PCMT1: variants seen among roughly 807,000 people sequenced by gnomAD.
PCMT1 encodes protein-L-isoaspartate(D-aspartate) O-methyltransferase.
In PCMT1, 9 loss-of-function variants were observed where a neutral mutation model predicts 29.2. The observed-to-expected ratio is 0.31, with a 90% CI of 0.19 to 0.54. The LOEUF is 0.54. Among genes scored for constraint, PCMT1 ranks in the 20% least tolerant of loss-of-function variants. The probability of loss-of-function intolerance (pLI) is 0.95; values close to 1 mark genes in which losing one functional copy is unlikely to be tolerated. For synonymous variants in PCMT1, 98 were observed against 97.5 expected (o/e 1.00, Z -0.03); for missense variants, 184 against 282.2 (o/e 0.65, Z 2.49).
chr6:149,786,156 C>T (rs74516942), intron 3 of PCMT1, among the ~76,000 whole-genome samples: 12,855 of 58,438 alleles, frequency 0.22, 3,676 homozygotes, highest in East Asian at 0.74. Flanking sequence ...GCTGGCCGGG[C>T]GGGGGGCTGA....
intron 3 of PCMT1, among the ~76,000 whole-genome samples, chr6:149,780,741 TTATC>T (rs1188672087): frequency 2.1e-4 from 32 of 152,134 alleles, no homozygotes; most frequent in African/African-American, 7.0e-4. Context: ...TATACAACAT[TTATC>T]TATTAACTGT....
intron 1 of PCMT1, among the ~76,000 whole-genome samples, chr6:149,766,456 CAATTTGAA>C (rs1787089226): frequency 6.6e-6 from 1 of 152,152 alleles, no homozygotes; most frequent in South Asian, 2.1e-4. Flanking sequence ...TGTAAGAATA[CAATTTGAA>C]AAATGTGACA....
At chr6:149,795,999 G>T (rs1036308599) in intron 5 of PCMT1, among the ~76,000 whole-genome samples, 8 of 152,046 alleles carry the variant, frequency 5.3e-5, no homozygotes, top group Non-Finnish European at 1.0e-4. Flanking sequence ...TCCTTAATCT[G>T]TTCACAGATA....
chr6:149,771,047 A>G (rs1013441045), intron 1 of PCMT1, 115 bp from the exon 2 acceptor site: 64 of 557,238 alleles, frequency 1.1e-4, no homozygotes, highest in African/African-American at 1.1e-3. Flanking sequence ...CATTACAACA[A>G]CTTCCAATCA....
intron 5 of PCMT1, chr6:149,795,718 G>C (rs534038834): frequency 7.3e-6 from 2 of 274,314 alleles, no homozygotes; most frequent in Admixed American, 9.3e-5. Context: ...GACTATCTAT[G>C]TATGTCTTTT....
chr6:149,806,237 G>T (rs1045438574), intron 7 of PCMT1, among the ~76,000 whole-genome samples: 4 of 152,282 alleles, frequency 2.6e-5, no homozygotes, highest in African/African-American at 9.6e-5. Flanking sequence ...GAGATGCAAA[G>T]ACCAAGATGA....
At chr6:149,787,907 TCTTTAC>T (rs1788191803) in intron 3 of PCMT1, among the ~76,000 whole-genome samples, 1 of 151,956 alleles carries the variant, frequency 6.6e-6, no homozygotes, top group Non-Finnish European at 1.5e-5. Context: ...GGCATAATGC[TCTTTAC>T]CTTTAACTTT....
intron 1 of PCMT1, among the ~76,000 whole-genome samples, chr6:149,767,729 C>T (rs1246443413): frequency 6.6e-6 from 1 of 151,814 alleles, no homozygotes; most frequent in Non-Finnish European, 1.5e-5. Context: ...GCTGGGATTA[C>T]AGACGTGAGC....
chr6:149,759,735 T>A (rs1369763095), intron 1 of PCMT1, among the ~76,000 whole-genome samples: 1 of 152,164 alleles, frequency 6.6e-6, no homozygotes, highest in Non-Finnish European at 1.5e-5. Flanking sequence ...CCTCAGGTGA[T>A]CCACCCACCT....
At chr6:149,768,906 C>T (rs1480880307) in intron 1 of PCMT1, among the ~76,000 whole-genome samples, 8 of 152,080 alleles carry the variant, frequency 5.3e-5, no homozygotes, top group Non-Finnish European at 1.2e-4. Flanking sequence ...GGATTACGGA[C>T]GTTAGCCACC....
In PCMT1 at chr6:149,796,433, G is replaced by T; in HGVS notation, c.437G>T (p.Gly146Val). 6.2e-7 allele frequency: 1 copy of T among 1,613,510 alleles called. No individual in the cohort carries two copies. Residue 146 changes from glycine (G) to valine (V), a missense_variant, in exon 6 of 8, where the codon GGA (glycine) becomes GTA (valine). Coordinates refer to ENST00000464889, the MANE Select transcript of PCMT1 (RefSeq NM_001360452.2). ...VQLVVGDGRM[G>V]YAEEAPYDAI... The stretch of plus-strand genomic sequence containing the variant: ...CTTTCAGTGGGGGATGGAAGAATGG[G>T]ATATGCTGAAGAAGCCCCTTATGAT...
At chr6:149,791,407 A>C (rs1788366137) in intron 4 of PCMT1, among the ~76,000 whole-genome samples, 1 of 152,240 alleles carries the variant, frequency 6.6e-6, no homozygotes, top group South Asian at 2.1e-4. Flanking sequence ...CTGGGGACCC[A>C]CTAATATATG....
chr6:149,796,588 A>G (rs1057207763), intron 6 of PCMT1, 88 bp downstream of exon 6: 18 of 870,314 alleles, frequency 2.1e-5, no homozygotes, highest in Admixed American at 5.1e-5. Context: ...ATGATGTTCA[A>G]AATATAATTA....
intron 1 of PCMT1, chr6:149,750,281 C>G: frequency 3.0e-6 from 1 of 334,542 alleles, no homozygotes; most frequent in Non-Finnish European, 5.3e-6. Context: ...CGTCCGGGTC[C>G]GGCTTGTGAG....
rs747300588 is a variant in PCMT1, at chr6:149,790,104, A to G, written c.297+46A>G. ...TCTGGCCCCAACAGAAGAATATTAT[A>G]TGATTTGGCTGTATGTTTTTTTAAC... On this transcript the variant is annotated intron_variant, in intron 4 of 7. Coordinates refer to ENST00000464889, the MANE Select transcript of PCMT1 (RefSeq NM_001360452.2). The G allele has an allele frequency of 3.1e-5, 35 of 1,131,592 alleles. No individual in the cohort carries two copies. In the East Asian group the frequency reaches 4.6e-4, roughly 15 times the overall value. 70.1% of individuals were successfully genotyped at this position (1,131,592 alleles called of 1,614,324 possible). A position where few individuals can be genotyped will look rare whatever the true frequency, so the allele number is the denominator to read the frequency against.
chr6:149,795,738 A>G (rs182289319), intron 5 of PCMT1: 8 of 237,120 alleles, frequency 3.4e-5, no homozygotes, highest in African/African-American at 1.9e-4. Context: ...TGAATGTAGT[A>G]CTATTAAGGT....
chr6:149,770,170 C>A (rs1198046007), intron 1 of PCMT1, among the ~76,000 whole-genome samples: 1 of 152,150 alleles, frequency 6.6e-6, no homozygotes, highest in African/African-American at 2.4e-5. Flanking sequence ...TATTCTAGAT[C>A]TCTTTCCTGA....
At chr6:149,761,891 A>C (rs554676143) in intron 1 of PCMT1, among the ~76,000 whole-genome samples, 1 of 152,330 alleles carries the variant, frequency 6.6e-6, no homozygotes, top group Non-Finnish European at 1.5e-5. Flanking sequence ...CATCATTAAT[A>C]TTTATGACTG....
At chr6:149,789,455 G>A (rs1440275018) in intron 3 of PCMT1, among the ~76,000 whole-genome samples, 4 of 152,084 alleles carry the variant, frequency 2.6e-5, no homozygotes, top group Non-Finnish European at 4.4e-5. Flanking sequence ...TTGGGAGGCC[G>A]AGGTGGGCGG....
Sources: allele counts gnomAD v4.1 joint callset (sites outside exome capture counted in the v4.1 genomes callset), GRCh38; gene constraint gnomAD v4.1.1; transcripts MANE v1.5; gene names NCBI Gene and HGNC (gene_info 2026-07-23, HGNC 2026-07-21).